The following SNAPC1 variants were observed in gnomAD, a reference collection of about 807,000 sequenced individuals.
SNAPC1 encodes snRNA-activating protein complex subunit 1.
In SNAPC1, 42 loss-of-function variants were observed where a neutral mutation model predicts 50.1. That is an observed-to-expected ratio of 0.84 (90% CI 0.65 to 1.08). SNAPC1 has a LOEUF of 1.08. Ranked by LOEUF, SNAPC1 falls within the 50% of genes least tolerant of loss-of-function variation. The probability of loss-of-function intolerance (pLI) is 0.00; values close to 1 mark genes in which losing one functional copy is unlikely to be tolerated. For synonymous variants in SNAPC1, 164 were observed against 144.2 expected (o/e 1.14, Z -0.98); for missense variants, 477 against 427.3 (o/e 1.12, Z -1.02).
chr14:61,796,206 G>T lies in SNAPC1; in HGVS notation c.*1223G>T, dbSNP rs2045188845. On this transcript the variant is annotated 3_prime_UTR_variant, in exon 10 of 10. Transcript: ENST00000216294. ...AAAAATTAGCCAGGCGTGGTGGCGGGCGCCTGTAATCCCAGCTACTCGGGA... is the reference window on the plus strand; with the variant it reads ...AAAAATTAGCCAGGCGTGGTGGCGGTCGCCTGTAATCCCAGCTACTCGGGA... 1 of 152,138 alleles carries T rather than the reference G, an allele frequency of 6.6e-6. No individual in the cohort carries two copies. The highest frequency in any genetic ancestry group is 2.4e-5 in the African/African-American group (1 of 41,354). 9.4% of individuals were successfully genotyped at this position (152,138 alleles called of 1,614,324 possible). A position where few individuals can be genotyped will look rare whatever the true frequency, so the allele number is the denominator to read the frequency against.
intron 1 of SNAPC1, among the ~76,000 whole-genome samples, chr14:61,763,940 A>ATTT (rs1472233134): frequency 6.6e-6 from 1 of 151,224 alleles, no homozygotes; most frequent in Non-Finnish European, 1.5e-5. Context: ...CATTATTATT[A>ATTT]TTTTTTTTTC....
At chr14:61,784,257 T>C (rs963060424) in intron 8 of SNAPC1, among the ~76,000 whole-genome samples, 15 of 152,220 alleles carry the variant, frequency 9.9e-5, no homozygotes, top group Non-Finnish European at 1.8e-4. Context: ...AACTCACTTA[T>C]GAGTATTACT....
At chr14:61,765,286 T>G (rs879287464) in intron 1 of SNAPC1, among the ~76,000 whole-genome samples, 2 of 152,216 alleles carry the variant, frequency 1.3e-5, no homozygotes, top group Non-Finnish European at 2.9e-5. Context: ...TATGTGAACC[T>G]CGAAAATTTG....
At chr14:61,765,287 C>T (rs777146387) in intron 1 of SNAPC1, among the ~76,000 whole-genome samples, 3 of 152,070 alleles carry the variant, frequency 2.0e-5, no homozygotes, top group Non-Finnish European at 2.9e-5. Flanking sequence ...ATGTGAACCT[C>T]GAAAATTTGA....
chr14:61,778,641 G>C (rs1469594298), intron 6 of SNAPC1, among the ~76,000 whole-genome samples: 1 of 152,116 alleles, frequency 6.6e-6, no homozygotes, highest in African/African-American at 2.4e-5. Flanking sequence ...CTAACTATGG[G>C]GATGGTGTTA....
intron 1 of SNAPC1, among the ~76,000 whole-genome samples, chr14:61,764,433 GGA>G (rs1020500947): frequency 1.2e-4 from 18 of 152,210 alleles, no homozygotes; most frequent in African/African-American, 4.3e-4. Context: ...GTTAATAAAA[GGA>G]GAGAGACTTT....
chr14:61,783,073 A>T (rs1336368333), intron 8 of SNAPC1, among the ~76,000 whole-genome samples: 1 of 124,318 alleles, frequency 8.0e-6, no homozygotes, highest in Non-Finnish European at 1.6e-5. Context: ...CCCAGGCCGG[A>T]GTGCAATGGC....
intron 4 of SNAPC1, among the ~76,000 whole-genome samples, chr14:61,771,811 G>A (rs951942056): frequency 1.3e-5 from 2 of 152,314 alleles, no homozygotes; most frequent in South Asian, 2.1e-4. Flanking sequence ...AGGAAAGAAG[G>A]TGAGAATGGA....
rs750394251 is a variant in SNAPC1, at chr14:61,792,888, G to A, written c.1058G>A (p.Ser353Asn). 32 of 1,597,672 alleles carry A rather than the reference G, an allele frequency of 2.0e-5. No individual in the cohort carries two copies. The highest frequency in any genetic ancestry group is 2.6e-5 in the Non-Finnish European group (30 of 1,168,196). Residue 353 changes from serine to asparagine, a missense_variant, in exon 9 of 10, where the codon AGT becomes AAT. By Grantham distance (46) the Ser-to-Asn change is conservative. Transcript: ENST00000216294. ...ATTACAGAAGAAGAAGAGAATGAAA[G>A]TTTGAGTGGAACAGGTACAGATAAA... ...PVITEEEENE[S>N]LSGTEFTASK... is the part of the protein sequence containing the mutation.
At chr14:61,789,304 AACAC>A (rs2045136410) in intron 8 of SNAPC1, among the ~76,000 whole-genome samples, 1 of 152,194 alleles carries the variant, frequency 6.6e-6, no homozygotes, top group Non-Finnish European at 1.5e-5. Context: ...CTAAAAATAA[AACAC>A]AACATTATCT....
intron 3 of SNAPC1, among the ~76,000 whole-genome samples, chr14:61,767,806 G>A (rs1053587602): frequency 5.3e-5 from 8 of 151,140 alleles, no homozygotes; most frequent in Non-Finnish European, 2.9e-5. Flanking sequence ...TTGATACAGA[G>A]TCTTGCCCTG....
At chr14:61,770,019 G>A (rs1173384388) in intron 4 of SNAPC1, among the ~76,000 whole-genome samples, 6 of 152,058 alleles carry the variant, frequency 3.9e-5, no homozygotes, top group African/African-American at 7.2e-5. Flanking sequence ...TTACTATTAG[G>A]ATTATAATAT....
At position 61,767,333 on chromosome 14, in the gene SNAPC1, T is replaced by G. The variant is rs1244425079; in HGVS notation, c.410T>G (p.Phe137Cys). 3.4e-6 allele frequency: 5 copies of G among 1,476,144 alleles called. No individual in the cohort carries two copies. Among genetic ancestry groups the G allele is most frequent in the Non-Finnish European group, 3.6e-6 (4 of 1,109,738 alleles). 91.4% of individuals were successfully genotyped at this position (1,476,144 alleles called of 1,614,324 possible). A position where few individuals can be genotyped will look rare whatever the true frequency, so the allele number is the denominator to read the frequency against. Reference sequence around the variant, plus strand: ...CTACGACTAGACAGAGCATTTCACTTTACAGCAATGCCCAAATTGGTATGT... The same window carrying G: ...CTACGACTAGACAGAGCATTTCACTGTACAGCAATGCCCAAATTGGTATGT... ...RKLRLDRAFHFTAMPKLLSYR... is the reference protein window; with the variant it reads ...RKLRLDRAFHCTAMPKLLSYR... Residue 137 changes from phenylalanine to cysteine, a missense_variant, in exon 3 of 10, where the codon TTT (phenylalanine) becomes TGT (cysteine). Physicochemically the swap from Phe to Cys is radical, Grantham distance 205. Transcript: ENST00000216294.
At chr14:61,776,360 GA>G in intron 5 of SNAPC1, 107 bp downstream of exon 5, 1 of 1,004,156 alleles carries the variant, frequency 1.0e-6, no homozygotes, top group Non-Finnish European at 1.5e-6. Context: ...TAATCCTGTG[GA>G]GCTAAGATTT....
At position 61,762,420 on chromosome 14, in the gene SNAPC1, A is replaced by AGGGGCGTGCGGGCTTCG. The variant is rs2044909900; in HGVS notation, c.-40_-39insGGGCGTGCGGGCTTCGG. ...GGCGACCACCGCTGGCTAGTCCGTT[A>AGGGGCGTGCGGGCTTCG]GAGGCGTGCGGGCTTCGGAGGCGTG... On this transcript the variant is annotated 5_prime_UTR_variant, in exon 1 of 10. Coordinates refer to ENST00000216294, the MANE Select transcript of SNAPC1 (RefSeq NM_003082.4). 1 of 1,382,478 alleles carries AGGGGCGTGCGGGCTTCG rather than the reference A, an allele frequency of 7.2e-7. No individual in the cohort carries two copies. The highest frequency in any genetic ancestry group is 1.5e-5 in the African/African-American group (1 of 65,742). 85.6% of individuals were successfully genotyped at this position (1,382,478 alleles called of 1,614,324 possible). A position where few individuals can be genotyped will look rare whatever the true frequency, so the allele number is the denominator to read the frequency against.
At chr14:61,774,154 AT>A (rs1028183652) in intron 4 of SNAPC1, among the ~76,000 whole-genome samples, 1 of 148,308 alleles carries the variant, frequency 6.7e-6, no homozygotes, top group South Asian at 2.1e-4. Flanking sequence ...TTCTTATTTA[AT>A]TTTCTTCTTC....
intron 4 of SNAPC1, 57 bp from the exon 5 acceptor site, chr14:61,776,038 C>G: frequency 1.4e-6 from 2 of 1,413,072 alleles, no homozygotes; most frequent in Non-Finnish European, 9.6e-7. Context: ...GTTGGTTTTG[C>G]CTTTTAGTTT....
Position 61,789,188 on chromosome 14 carries a change from G to A in SNAPC1, c.977-3619G>A, listed in dbSNP as rs373738312. Among the ~76,000 whole-genome samples, 11 of 144,582 alleles carry A rather than the reference G, an allele frequency of 7.6e-5. No individual in the cohort carries two copies. The East Asian group carries it at 1.6e-3, about 22-fold the overall frequency. 94.9% of individuals were successfully genotyped at this position (144,582 alleles called of 152,430 possible). On this transcript the variant is annotated intron_variant, in intron 8 of 9. Transcript: ENST00000216294. ...GGAGGTTGCAGTGAGCCAAGATAGC[G>A]CCACCGCTCTTCAGCCTGGGTGACA... is the stretch of plus-strand genomic sequence containing the variant.
chr14:61,779,710 T>TTC (rs2045058346), intron 7 of SNAPC1, among the ~76,000 whole-genome samples: 1 of 111,230 alleles, frequency 9.0e-6, no homozygotes, highest in African/African-American at 2.9e-5. Context: ...CTTTGTTGGT[T>TTC]TTTTTTTTTT....
Sources: gnomAD v4.1 joint callset for allele counts (sites outside exome capture counted in the v4.1 genomes callset) on GRCh38, gnomAD v4.1.1 for gene constraint, MANE v1.5 for transcripts, NCBI Gene and HGNC (gene_info 2026-07-23, HGNC 2026-07-21) for gene names.